The following ATG2A variants were observed in gnomAD, a reference collection of about 807,000 sequenced individuals.
ATG2A encodes autophagy-related protein 2 homolog A.
Under a neutral mutation model 214.2 loss-of-function variants are expected in ATG2A, and 103 were observed. The ratio of observed to expected loss-of-function variants is 0.48; its 90% confidence interval spans 0.41 to 0.57. The LOEUF is 0.57. ATG2A is among the 20% of genes least tolerant of loss of function. The pLI, the probability that ATG2A is intolerant of heterozygous loss-of-function variation, is 0.00. For missense variants in ATG2A, 2,312 were observed against 2,613.2 expected (o/e 0.88, Z 2.51); for synonymous variants, 1,160 against 1,142.1 (o/e 1.02, Z -0.32).
chr11:64,909,157 G>A lies in ATG2A; in HGVS notation c.2205-7C>T, dbSNP rs536147788. The A allele has an allele frequency of 3.9e-5, 63 of 1,607,244 alleles. No individual in the cohort carries two copies. Among genetic ancestry groups the A allele is most frequent in the Non-Finnish European group, 4.8e-5 (57 of 1,176,840 alleles). On this transcript the variant is annotated splice_polypyrimidine_tract_variant and splice_region_variant and intron_variant, in intron 15 of 40. Coordinates refer to ENST00000377264, the MANE Select transcript of ATG2A (RefSeq NM_015104.3). ...GTTCACAGTCACCACTACCCTGCCG[G>A]GGCACAGGCCTGTTACTGGCCTGCA...
chr11:64,914,148 T>A lies in ATG2A; in HGVS notation c.420A>T (p.Leu140=). 1 of 1,552,850 alleles carries A rather than the reference T, an allele frequency of 6.4e-7. No homozygotes were observed. The highest frequency in any genetic ancestry group is 8.7e-7 in the Non-Finnish European group (1 of 1,148,046). ...GCTGTGGTGGCTCAGAGGGCTCCGGTAGCCCATCCCGCAGACACTCCTGGG... is the reference window on the plus strand; with the variant it reads ...GCTGTGGTGGCTCAGAGGGCTCCGGAAGCCCATCCCGCAGACACTCCTGGG... ...QLAQECLRDG[L]PEPSEPPQPL... Residue 140 remains leucine (L), a synonymous_variant, in exon 3 of 41, where the codon CTA becomes CTT. Coordinates refer to ENST00000377264, the MANE Select transcript of ATG2A (RefSeq NM_015104.3).
chr11:64,907,637 C>A lies in ATG2A; in HGVS notation c.2535G>T (p.Glu845Asp). Reference sequence around the variant, plus strand: ...CGGGGGTGGGAAGCAGATCTGCAGGCTCCCACATGAGCAGGTCGTTGTTGA... The same window carrying A: ...CGGGGGTGGGAAGCAGATCTGCAGGATCCCACATGAGCAGGTCGTTGTTGA... ...NRINNDLLMW[E>D]PADLLPTPDP... Residue 845 changes from glutamate (E) to aspartate (D), a missense_variant, in exon 18 of 41, where the codon GAG becomes GAT. Transcript: ENST00000377264. 1.3e-6 allele frequency: 2 copies of A among 1,597,286 alleles called. No homozygotes were observed. The highest frequency in any genetic ancestry group is 1.7e-6 in the Non-Finnish European group (2 of 1,171,704).
In ATG2A at chr11:64,917,166, G is replaced by C. The variant is rs753586847; in HGVS notation, c.-31C>G. On this transcript the variant is annotated 5_prime_UTR_variant, in exon 1 of 41. Transcript: ENST00000377264. ...AGACCGCCGGGCCTGGGCCGCCTCC[G>C]CTTGCCGCCCGCCGGCGATCCCCGT... The C allele has an allele frequency of 1.3e-6, 2 of 1,564,002 alleles. No individual in the cohort carries two copies. The highest frequency in any genetic ancestry group is 1.7e-6 in the Non-Finnish European group (2 of 1,154,596).
In ATG2A at chr11:64,911,827, G is replaced by C; in HGVS notation, c.1228+15C>G. The C allele has an allele frequency of 6.2e-7, 1 of 1,612,238 alleles. No individual in the cohort carries two copies. The highest frequency in any genetic ancestry group is 1.1e-5 in the South Asian group (1 of 90,978). On this transcript the variant is annotated intron_variant, in intron 9 of 40. Transcript: ENST00000377264. ...CTTCCTGTCCCTGGAGTACCCCCAG[G>C]GTGCTCCAACTCACCAGCTGGGTGG... is the stretch of plus-strand genomic sequence containing the variant.
Position 64,898,557 on chromosome 11 carries a change from T to G in ATG2A, c.4671+79A>C. On this transcript the variant is annotated intron_variant, in intron 32 of 40. Coordinates refer to ENST00000377264, the MANE Select transcript of ATG2A (RefSeq NM_015104.3). The surrounding 1 kb of genome is among the most constrained non-coding windows in gnomAD (Gnocchi z 4.5). ...TTGTGTGGGAATGCGTGTATGTGTG[T>G]GAATCCATGCATGCGTGAAGATGTA... 4.6e-6 allele frequency: 7 copies of G among 1,508,732 alleles called. No homozygotes were observed. Among genetic ancestry groups the G allele is most frequent in the East Asian group, 2.3e-5 (1 of 43,846 alleles). The allele number at this position is 1,508,732 out of a possible 1,614,324, so 93.5% of individuals were successfully genotyped here. A position where few individuals can be genotyped will look rare whatever the true frequency, so the allele number is the denominator to read the frequency against.
rs1590633619 is a variant in ATG2A, at chr11:64,903,187, T to G, written c.3612+101A>C. On this transcript the variant is annotated intron_variant, in intron 26 of 40. Coordinates refer to ENST00000377264, the MANE Select transcript of ATG2A (RefSeq NM_015104.3). The surrounding 1 kb of genome is among the most constrained non-coding windows in gnomAD (Gnocchi z 4.2). Reference sequence around the variant, plus strand: ...GCCCAGGAAGGGCAGGCATGAACTGTGTCCGGAGCCCAGGCACGTGAGGGA... The same window carrying G: ...GCCCAGGAAGGGCAGGCATGAACTGGGTCCGGAGCCCAGGCACGTGAGGGA... 3.6e-6 allele frequency: 4 copies of G among 1,107,694 alleles called. No homozygotes were observed. In the East Asian group the frequency reaches 9.7e-5, roughly 27 times the overall value. 68.6% of individuals were successfully genotyped at this position (1,107,694 alleles called of 1,614,324 possible). A position where few individuals can be genotyped will look rare whatever the true frequency, so the allele number is the denominator to read the frequency against.
At chr11:64,907,479 A>C (rs1222200351) in intron 18 of ATG2A, 40 bp from the exon 19 acceptor site, 1 of 1,610,746 alleles carries the variant, frequency 6.2e-7, no homozygotes, top group Non-Finnish European at 8.5e-7. Context: ...GGCCCTTCCC[A>C]GACCTGGGGG....
rs371609755 is a variant in ATG2A at position 64,898,183 on chromosome 11, G to A, written c.4774-13C>T. On this transcript the variant is annotated splice_polypyrimidine_tract_variant and intron_variant, in intron 33 of 40. Coordinates refer to ENST00000377264, the MANE Select transcript of ATG2A (RefSeq NM_015104.3). The surrounding 1 kb of genome is among the most constrained non-coding windows in gnomAD (Gnocchi z 4.5). ...AGAAGAGGGCATCCTGCAAGGGAGA[G>A]GTCCAGATGTGGATCAGACTCAGAG... 6.2e-7 allele frequency: 1 copy of A among 1,613,960 alleles called. No homozygotes were observed. Among genetic ancestry groups the A allele is most frequent in the Non-Finnish European group, 8.5e-7 (1 of 1,179,912 alleles).
intron 37 of ATG2A, 47 bp from the exon 38 acceptor site, chr11:64,896,916 A>G: frequency 6.2e-7 from 1 of 1,604,608 alleles, no homozygotes; most frequent in Non-Finnish European, 8.5e-7. Flanking sequence ...GCAGAGCCAC[A>G]CATGGAGGGA....
intron 1 of ATG2A, 64 bp downstream of exon 1, chr11:64,916,901 G>C: frequency 6.3e-7 from 1 of 1,590,202 alleles, no homozygotes. Flanking sequence ...TCCTGCCGCA[G>C]GGAGCCTCAG....
chr11:64,897,485 CA>C lies in ATG2A; in HGVS notation c.5076del (p.Phe1692LeufsTer16). The C allele has an allele frequency of 6.3e-7, 1 of 1,579,848 alleles. No individual in the cohort carries two copies. Among genetic ancestry groups the C allele is most frequent in the African/African-American group, 1.3e-5 (1 of 74,282 alleles). Reference protein sequence around the residue: ...KHVTMDQVGTFAGLLIGLAQL... With the variant: ...KHVTMDQVGTXAGLLIGLAQL... Reference sequence around the variant, plus strand: ...TGGGCCAGGCCGATGAGGAGGCCAGCAAAAGTGCCCTGGGAGAGGGAGGGGG... The same window carrying C: ...TGGGCCAGGCCGATGAGGAGGCCAGCAAAGTGCCCTGGGAGAGGGAGGGGG... On this transcript the variant is annotated frameshift_variant, in exon 37 of 41. Transcript: ENST00000377264. LOFTEE classifies it high-confidence loss of function.
Position 64,902,066 on chromosome 11 carries a change from A to G in ATG2A, c.4015T>C (p.Ser1339Pro). 5 of 1,613,828 alleles carry G rather than the reference A, an allele frequency of 3.1e-6. No homozygotes were observed. Among genetic ancestry groups the G allele is most frequent in the Non-Finnish European group, 4.2e-6 (5 of 1,179,946 alleles). The stretch of plus-strand genomic sequence containing the variant: ...TCATCTTCCTTCTCCTCTGAGCATG[A>G]CCCTAAGCTGCCAGCAGGGCCCCCG... ...PVGGPAGSLG[S>P]CSEEKEDERE... The change falls in exon 29 of 41, where the codon TCA becomes CCA. Residue 1339 changes from serine (S) to proline (P), a missense_variant. Coordinates refer to ENST00000377264, the MANE Select transcript of ATG2A (RefSeq NM_015104.3).
In ATG2A at chr11:64,910,605, G is replaced by A. The variant is rs185267461; in HGVS notation, c.1707+11C>T. 1,452 of 1,590,326 alleles carry A rather than the reference G, an allele frequency of 9.1e-4. 5 individuals carry two copies. Among genetic ancestry groups the A allele is most frequent in the Non-Finnish European group, 1.0e-3 (1,221 of 1,169,532 alleles). On this transcript the variant is annotated intron_variant, in intron 12 of 40. Transcript: ENST00000377264. ...TGGGGACAGCCTGGTGGCCTGGAGC[G>A]GGTGGGTTACCTTAGGCACACGGCG...
chr11:64,917,115 T>G lies in ATG2A; in HGVS notation c.21A>C (p.Pro7=). The change falls in exon 1 of 41, where the codon CCA becomes CCC. Residue 7 remains proline, a synonymous_variant. Coordinates refer to ENST00000377264, the MANE Select transcript of ATG2A (RefSeq NM_015104.3). MSRWLW[P]WSNCVKERVC... is the part of the protein sequence containing the mutation. ...CCCGCTCTTTCACACAGTTTGACCA[T>G]GGCCACAGCCATCGTGACATCTCGG... is the stretch of plus-strand genomic sequence containing the variant. The G allele has an allele frequency of 6.2e-7, 1 of 1,610,296 alleles. No homozygotes were observed. Among genetic ancestry groups the G allele is most frequent in the Non-Finnish European group, 8.5e-7 (1 of 1,178,788 alleles).
At position 64,903,396 on chromosome 11, in the gene ATG2A, C is replaced by A. The variant is rs1407651498; in HGVS notation, c.3536-32G>T. On this transcript the variant is annotated intron_variant, in intron 25 of 40. Transcript: ENST00000377264. This position sits in a 1 kb window ranked among gnomAD's most constrained non-coding sequence, Gnocchi z 4.2. ...CAGAGGCGAGAGAAAGGTCCTGTGG[C>A]CCCCTTCCACCCGGCCCCGGCCCCA... 6.2e-7 allele frequency: 1 copy of A among 1,609,952 alleles called. No homozygotes were observed. The highest frequency in any genetic ancestry group is 8.5e-7 in the Non-Finnish European group (1 of 1,176,704).
chr11:64,898,716 G>C lies in ATG2A; in HGVS notation c.4591C>G (p.Arg1531Gly). Reference sequence around the variant, plus strand: ...TTGTTGATCTGGGAGGAGGCGAGCCGGTCTCGGACCTCCAGCTCCTGCACG... The same window carrying C: ...TTGTTGATCTGGGAGGAGGCGAGCCCGTCTCGGACCTCCAGCTCCTGCACG... ...FIVQELEVRDRLASSQINKFL... is the reference protein window; with the variant it reads ...FIVQELEVRDGLASSQINKFL... The change falls in exon 32 of 41, where the codon CGG (arginine) becomes GGG (glycine). Residue 1531 changes from arginine to glycine, a missense_variant. Physicochemically the swap from Arg to Gly is moderately radical, Grantham distance 125. Coordinates refer to ENST00000377264, the MANE Select transcript of ATG2A (RefSeq NM_015104.3). This position sits in a 1 kb window ranked among gnomAD's most constrained non-coding sequence, Gnocchi z 4.5. 1 of 1,614,110 alleles carries C rather than the reference G, an allele frequency of 6.2e-7. No individual in the cohort carries two copies. The highest frequency in any genetic ancestry group is 8.5e-7 in the Non-Finnish European group (1 of 1,180,022).
rs201522565 is a variant in ATG2A, at chr11:64,914,299, C to T, written c.334+39G>A. On this transcript the variant is annotated intron_variant, in intron 2 of 40. Coordinates refer to ENST00000377264, the MANE Select transcript of ATG2A (RefSeq NM_015104.3). ...CAGGTCCTGGACGCCCCAGCCCACT[C>T]TCCCCACTTGCCTGCCCCCAGCCTC... 41 of 1,564,086 alleles carry T rather than the reference C, an allele frequency of 2.6e-5. No individual in the cohort carries two copies. In the East Asian group the frequency reaches 9.2e-4, roughly 35 times the overall value.
At position 64,906,473 on chromosome 11, in the gene ATG2A, G is replaced by A. The variant is rs1249271382; in HGVS notation, c.3044C>T (p.Ala1015Val). 2 of 1,613,360 alleles carry A rather than the reference G, an allele frequency of 1.2e-6. No individual in the cohort carries two copies. The highest frequency in any genetic ancestry group is 1.6e-4 in the Middle Eastern group (1 of 6,062). Residue 1015 changes from alanine (A) to valine (V), a missense_variant, in exon 21 of 41, where the codon GCT becomes GTT. Ala to Val is a moderately conservative substitution (Grantham distance 64). Coordinates refer to ENST00000377264, the MANE Select transcript of ATG2A (RefSeq NM_015104.3). ...TGGGTAGATGGTTGGGGCCAGCTGA[G>A]CCGGGGGAGCGAAACTGGGAAGGTC... Reference protein sequence around the residue: ...HLDLPSFAPPAQLAPTIYPSE... With the variant: ...HLDLPSFAPPVQLAPTIYPSE...
At chr11:64,900,664 G>A in intron 30 of ATG2A, 35 bp from the exon 31 acceptor site, 1 of 1,559,940 alleles carries the variant, frequency 6.4e-7, no homozygotes. Flanking sequence ...CTGACTCAGA[G>A]GAACCCCATT....
Sources: allele counts gnomAD v4.1 joint callset, GRCh38; gene constraint gnomAD v4.1.1; non-coding constraint Gnocchi (gnomAD v3.1); transcripts MANE v1.5; gene names NCBI Gene and HGNC (gene_info 2026-07-23, HGNC 2026-07-21).